Variants in STPG2 observed in about 807,000 individuals in gnomAD.
The protein encoded by STPG2 is sperm-tail PG-rich repeat-containing protein 2.
Under a neutral mutation model 54.2 loss-of-function variants are expected in STPG2, and 56 were observed. The observed-to-expected ratio is 1.03, with a 90% CI of 0.83 to 1.29. STPG2 has a LOEUF of 1.29. Among genes scored for constraint, STPG2 ranks in the 50% most tolerant of loss-of-function variants. The pLI, the probability that STPG2 is intolerant of heterozygous loss-of-function variation, is 0.00. For synonymous variants in STPG2, 200 were observed against 181.8 expected (o/e 1.10, Z -0.81); for missense variants, 596 against 544.9 (o/e 1.09, Z -0.93).
intron 8 of STPG2, among the ~76,000 whole-genome samples, chr4:97,854,078 A>T (rs948735686): frequency 2.6e-5 from 4 of 152,082 alleles, no homozygotes; most frequent in Non-Finnish European, 5.9e-5. Context: ...CTCCTGCCTT[A>T]GTTTGCCAAA....
chr4:97,670,333 T>C (rs548509831), intron 10 of STPG2, among the ~76,000 whole-genome samples: 83 of 152,300 alleles, frequency 5.4e-4, no homozygotes, highest in African/African-American at 1.9e-3. Flanking sequence ...TTCCTAGCAG[T>C]TCCAAAAAGA....
chr4:97,729,334 T>C (rs1258413282), intron 9 of STPG2, among the ~76,000 whole-genome samples: 5 of 152,162 alleles, frequency 3.3e-5, no homozygotes, highest in Non-Finnish European at 7.3e-5. Flanking sequence ...TCATGTTTTT[T>C]GCCATTCTTT....
At chr4:97,721,843 G>A (rs530026619) in intron 9 of STPG2, among the ~76,000 whole-genome samples, 176 of 152,064 alleles carry the variant, frequency 1.2e-3, no homozygotes, top group Non-Finnish European at 1.8e-3. Context: ...GAGACTCAGA[G>A]TAAACATTTA....
chr4:97,742,314 T>C lies in STPG2; in HGVS notation c.1205-29500A>G, dbSNP rs185369051. 4.2e-3 allele frequency among the ~76,000 whole-genome samples: 637 copies of C among 151,462 alleles called. 3 individuals are homozygous for C. The highest frequency in any genetic ancestry group is 0.024 in the South Asian group (116 of 4,798). On this transcript the variant is annotated intron_variant, in intron 9 of 10. Coordinates refer to ENST00000295268, the MANE Select transcript of STPG2 (RefSeq NM_174952.3). Reference sequence around the variant, plus strand: ...CACCAGCATGGCACATGTATACATATGTAAGTAACCTGCATATTGTGCACA... The same window carrying C: ...CACCAGCATGGCACATGTATACATACGTAAGTAACCTGCATATTGTGCACA...
chr4:97,698,249 G>A (rs1053812556), intron 10 of STPG2, among the ~76,000 whole-genome samples: 6 of 152,026 alleles, frequency 3.9e-5, no homozygotes, highest in African/African-American at 1.5e-4. Flanking sequence ...CAGAACTGTT[G>A]GAGTTTCCCA....
chr4:98,043,758 ATTTAT>A (rs774831417), intron 5 of STPG2, among the ~76,000 whole-genome samples: 33 of 151,988 alleles, frequency 2.2e-4, no homozygotes, highest in Admixed American at 3.9e-4. Flanking sequence ...TCTTTTATGA[ATTTAT>A]TTTATTTTTA....
chr4:97,683,843 A>G (rs1440622319), intron 10 of STPG2, among the ~76,000 whole-genome samples: 1 of 151,876 alleles, frequency 6.6e-6, no homozygotes, highest in Non-Finnish European at 1.5e-5. Flanking sequence ...TTGGAAAATT[A>G]TATGTTGTCT....
At chr4:97,940,907 G>A (rs1057226331) in intron 8 of STPG2, among the ~76,000 whole-genome samples, 15 of 151,980 alleles carry the variant, frequency 9.9e-5, no homozygotes, top group African/African-American at 3.1e-4. Flanking sequence ...GGAAATGCTC[G>A]GTTCATATTC....
chr4:97,442,889 T>A (rs1216270120), intron 4 of STPG2, among the ~76,000 whole-genome samples: 1 of 152,186 alleles, frequency 6.6e-6, no homozygotes, highest in African/African-American at 2.4e-5. Context: ...AATAGTTACA[T>A]GGCAGGATAC....
At chr4:97,930,777 C>A (rs200753650) in intron 8 of STPG2, among the ~76,000 whole-genome samples, 1 of 152,014 alleles carries the variant, frequency 6.6e-6, no homozygotes. Flanking sequence ...GCAGTATGGC[C>A]ATTTTAACAA....
chr4:97,722,842 G>A (rs1485833826), intron 9 of STPG2, among the ~76,000 whole-genome samples: 1 of 143,478 alleles, frequency 7.0e-6, no homozygotes, highest in African/African-American at 2.7e-5. Flanking sequence ...CTGTCGCCCC[G>A]GCTGGAGTGC....
chr4:98,045,467 T>C (rs1203035963), intron 5 of STPG2, among the ~76,000 whole-genome samples: 2 of 152,088 alleles, frequency 1.3e-5, no homozygotes, highest in Non-Finnish European at 2.9e-5. Context: ...ATACAGAAAA[T>C]AGAATAAACT....
chr4:97,722,568 T>C (rs1445690142), intron 9 of STPG2, among the ~76,000 whole-genome samples: 1 of 152,146 alleles, frequency 6.6e-6, no homozygotes, highest in East Asian at 1.9e-4. Context: ...TTTGATATTC[T>C]ACATATATTC....
At chr4:97,799,952 C>G (rs1338879848) in intron 9 of STPG2, among the ~76,000 whole-genome samples, 1 of 152,112 alleles carries the variant, frequency 6.6e-6, no homozygotes, top group Non-Finnish European at 1.5e-5. Flanking sequence ...TCACTGATAC[C>G]CTTCCTTCCA....
At chr4:97,667,184 C>T (rs1403383293) in intron 10 of STPG2, among the ~76,000 whole-genome samples, 1 of 152,220 alleles carries the variant, frequency 6.6e-6, no homozygotes, top group Non-Finnish European at 1.5e-5. Context: ...AACTTTAACA[C>T]ATTCCTCAGG....
chr4:97,723,594 G>T lies in STPG2; in HGVS notation c.1205-10780C>A, dbSNP rs1724522734. Among the ~76,000 whole-genome samples, 4 of 152,200 alleles carry T rather than the reference G, an allele frequency of 2.6e-5. No homozygotes were observed. The South Asian group carries it at 8.3e-4, about 32-fold the overall frequency. ...CATTTTTGTGCATGGTATTTTGTAAGGATCTAATCTTATTTTCTCTGGTAA... is the reference window on the plus strand; with the variant it reads ...CATTTTTGTGCATGGTATTTTGTAATGATCTAATCTTATTTTCTCTGGTAA... On this transcript the variant is annotated intron_variant, in intron 9 of 10. Coordinates refer to ENST00000295268, the MANE Select transcript of STPG2 (RefSeq NM_174952.3).
chr4:97,799,837 G>T (rs994991578), intron 9 of STPG2, among the ~76,000 whole-genome samples: 8 of 152,020 alleles, frequency 5.3e-5, no homozygotes, highest in African/African-American at 1.9e-4. Flanking sequence ...ACATAGATTT[G>T]GTCTTTTCAC....
Position 97,527,824 on chromosome 4 carries a change from T to C in STPG2, c.462+184875A>G, listed in dbSNP as rs138101617. Among the ~76,000 whole-genome samples the C allele has an allele frequency of 7.9e-3, 1,198 of 152,294 alleles. 16 individuals carry two copies. Among genetic ancestry groups the C allele is most frequent in the African/African-American group, 0.026 (1,063 of 41,554 alleles). On this transcript the variant is annotated intron_variant, in intron 4 of 4. Transcript: ENST00000522676. ...TTTGAGAAGTGTCTGTTCATATCCT[T>C]CGCCCACTTTTTGATGGGGTTGTTT...
At chr4:97,676,421 C>T (rs1722847609) in intron 10 of STPG2, among the ~76,000 whole-genome samples, 2 of 151,906 alleles carry the variant, frequency 1.3e-5, no homozygotes, top group African/African-American at 4.8e-5. Context: ...GCACCTTATT[C>T]CCTGTATTAA....
Sources: allele counts gnomAD v4.1 joint callset (sites outside exome capture counted in the v4.1 genomes callset), GRCh38; gene constraint gnomAD v4.1.1; transcripts MANE v1.5; gene names NCBI Gene and HGNC (gene_info 2026-07-23, HGNC 2026-07-21).